SPHKAP: variants seen among roughly 807,000 people sequenced by gnomAD.
SPHKAP encodes the protein SPHK1 interactor, AKAP domain containing.
A neutral mutation model predicts 137.5 loss-of-function variants in SPHKAP; 67 were observed. The observed-to-expected ratio is 0.49, with a 90% CI of 0.40 to 0.60. SPHKAP has a LOEUF of 0.60. SPHKAP is among the 20% of genes least tolerant of loss of function. The probability of loss-of-function intolerance (pLI) is 0.00; values close to 1 mark genes in which losing one functional copy is unlikely to be tolerated. For missense variants in SPHKAP, 2,097 were observed against 2,069.3 expected (o/e 1.01, Z -0.26); for synonymous variants, 813 against 785.3 (o/e 1.04, Z -0.59).
chr2:228,086,927 C>A (rs1176535458), intron 3 of SPHKAP, among the ~76,000 whole-genome samples: 1 of 152,252 alleles, frequency 6.6e-6, no homozygotes, highest in Non-Finnish European at 1.5e-5. Context: ...GGGGTCAGAA[C>A]AAAACTCAAA....
intron 3 of SPHKAP, among the ~76,000 whole-genome samples, chr2:228,102,189 C>T (rs868285494): frequency 9.9e-5 from 15 of 151,870 alleles, no homozygotes; most frequent in Middle Eastern, 3.2e-3. Context: ...TATTGTAGTA[C>T]AGAAACTCAT....
chr2:228,074,892 T>C (rs1431004272), intron 3 of SPHKAP, among the ~76,000 whole-genome samples: 1 of 152,044 alleles, frequency 6.6e-6, no homozygotes, highest in Non-Finnish European at 1.5e-5. Flanking sequence ...CTCTCATTAC[T>C]TGACAACATG....
chr2:227,991,612 CA>C, intron 9 of SPHKAP: 1 of 985,434 alleles, frequency 1.0e-6, no homozygotes, highest in Non-Finnish European at 1.2e-6. Context: ...ACCTTCTCTT[CA>C]ACCTCCTTAC....
At chr2:227,981,926 C>G (rs1693010289) in intron 11 of SPHKAP, 66 bp from the exon 12 acceptor site, 1 of 1,536,738 alleles carries the variant, frequency 6.5e-7, no homozygotes, top group Non-Finnish European at 8.7e-7. Context: ...CTCATTCAAC[C>G]ACCCTCGCGA....
chr2:228,083,652 T>G (rs1253952094), intron 3 of SPHKAP, among the ~76,000 whole-genome samples: 2 of 152,190 alleles, frequency 1.3e-5, no homozygotes, highest in African/African-American at 4.8e-5. Flanking sequence ...ATTGCAGCAC[T>G]ATTCACAATA....
chr2:228,140,905 C>T (rs920224764), intron 1 of SPHKAP, among the ~76,000 whole-genome samples: 3 of 152,086 alleles, frequency 2.0e-5, no homozygotes, highest in Admixed American at 6.5e-5. Context: ...GAAGCAGATG[C>T]CAGTGTTATG....
intron 3 of SPHKAP, among the ~76,000 whole-genome samples, chr2:228,093,759 G>A (rs1697887521): frequency 6.7e-6 from 1 of 148,650 alleles, no homozygotes; most frequent in East Asian, 2.1e-4. Flanking sequence ...TCAAGAGGCT[G>A]AGGCAGGAGA....
intron 1 of SPHKAP, among the ~76,000 whole-genome samples, chr2:228,160,185 G>T (rs1446236600): frequency 6.6e-6 from 1 of 152,168 alleles, no homozygotes; most frequent in Admixed American, 6.5e-5. Flanking sequence ...GTAGAATATT[G>T]TATCAATCAT....
intron 2 of SPHKAP, among the ~76,000 whole-genome samples, chr2:228,114,524 C>T (rs539640085): frequency 6.6e-6 from 1 of 152,162 alleles, no homozygotes; most frequent in East Asian, 1.9e-4. Flanking sequence ...TTCTGTGGGA[C>T]TTAGTTTTTA....
In SPHKAP at chr2:228,020,172, T is replaced by G; in HGVS notation, c.698-16A>C. 1 of 1,563,406 alleles carries G rather than the reference T, an allele frequency of 6.4e-7. No homozygotes were observed. Among genetic ancestry groups the G allele is most frequent in the Non-Finnish European group, 8.6e-7 (1 of 1,161,014 alleles). ...TTTTCATAATCTAGTGAGGAGAAAATGAGGGGCACTATTACTTTTTGGATA... is the reference window on the plus strand; with the variant it reads ...TTTTCATAATCTAGTGAGGAGAAAAGGAGGGGCACTATTACTTTTTGGATA... On this transcript the variant is annotated splice_polypyrimidine_tract_variant and intron_variant, in intron 6 of 11. Transcript: ENST00000392056.
chr2:228,006,162 C>T (rs918103500), intron 7 of SPHKAP, among the ~76,000 whole-genome samples: 3 of 152,230 alleles, frequency 2.0e-5, no homozygotes, highest in African/African-American at 7.2e-5. Flanking sequence ...TTCTCCCCAT[C>T]ACTTTCAGGT....
At chr2:228,164,614 A>T (rs74670381) in intron 1 of SPHKAP, among the ~76,000 whole-genome samples, 235 of 152,324 alleles carry the variant, frequency 1.5e-3, no homozygotes, top group African/African-American at 5.6e-3. Context: ...GAAAACCATC[A>T]GTGACATCAC....
rs942881611 is a variant in SPHKAP, at chr2:228,018,489, C to T, written c.2365G>A (p.Asp789Asn). 5 of 1,614,150 alleles carry T rather than the reference C, an allele frequency of 3.1e-6. No homozygotes were observed. In the East Asian group the frequency reaches 1.1e-4, roughly 36 times the overall value. ...NTSLVINNLV[D>N]GMYSKQDKGG... ...TTGTCTTGTTTTGAATACATGCCAT[C>T]CACAAGATTGTTGATGACAAGACTC... The change falls in exon 7 of 12, where the codon GAT becomes AAT. Residue 789 changes from aspartate (D) to asparagine (N), a missense_variant. By Grantham distance (23) the Asp-to-Asn change is conservative. Transcript: ENST00000392056.
rs562768461 is a variant in SPHKAP, at chr2:228,025,148, A to G, written c.441+246T>C. Among the ~76,000 whole-genome samples the G allele has an allele frequency of 3.0e-4, 45 of 152,368 alleles. No individual in the cohort carries two copies. In the South Asian group the frequency reaches 9.3e-3, roughly 32 times the overall value. On this transcript the variant is annotated intron_variant, in intron 5 of 11. Coordinates refer to ENST00000392056, the MANE Select transcript of SPHKAP (RefSeq NM_001142644.2). ...AACCAATGCCTACTCTATCTGCTCTAGTTCAAATACAACTTAGGAATTTGA... is the reference window on the plus strand; with the variant it reads ...AACCAATGCCTACTCTATCTGCTCTGGTTCAAATACAACTTAGGAATTTGA...
Position 227,980,968 on chromosome 2 carries a change from T to C in SPHKAP, c.*749A>G, listed in dbSNP as rs1183579736. 1.3e-5 allele frequency: 2 copies of C among 152,224 alleles called. No individual in the cohort carries two copies. Among genetic ancestry groups the C allele is most frequent in the African/African-American group, 4.8e-5 (2 of 41,470 alleles). 9.4% of individuals were successfully genotyped at this position (152,224 alleles called of 1,614,324 possible). A position where few individuals can be genotyped will look rare whatever the true frequency, so the allele number is the denominator to read the frequency against. On this transcript the variant is annotated 3_prime_UTR_variant, in exon 12 of 12. Transcript: ENST00000392056. The stretch of plus-strand genomic sequence containing the variant: ...TTTTTTAAATATGAAAGCTTTCTCT[T>C]AGGATAAGAATTATGTAATCATGTT...
chr2:228,152,675 G>T (rs550169966), intron 1 of SPHKAP, among the ~76,000 whole-genome samples: 39 of 148,560 alleles, frequency 2.6e-4, no homozygotes, highest in Non-Finnish European at 4.5e-4. Context: ...AGTTGCATTA[G>T]TCAAGTTTTA....
At chr2:228,045,627 T>A (rs1696015379) in intron 3 of SPHKAP, among the ~76,000 whole-genome samples, 1 of 151,740 alleles carries the variant, frequency 6.6e-6, no homozygotes, top group Admixed American at 6.6e-5. Flanking sequence ...AGGGATAGCA[T>A]TAGGAGATAT....
At chr2:227,993,673 T>C in intron 8 of SPHKAP, 53 bp from the exon 9 acceptor site, 2 of 1,447,532 alleles carry the variant, frequency 1.4e-6, no homozygotes, top group South Asian at 1.2e-5. Context: ...TCTAACATGC[T>C]GCTGACAGTG....
chr2:228,092,773 T>C (rs1304269079), intron 3 of SPHKAP, among the ~76,000 whole-genome samples: 1 of 151,736 alleles, frequency 6.6e-6, no homozygotes, highest in Non-Finnish European at 1.5e-5. Context: ...TGGATGGAAC[T>C]GGAGACCATT....
Sources: gnomAD v4.1 joint callset for allele counts (sites outside exome capture counted in the v4.1 genomes callset) on GRCh38, gnomAD v4.1.1 for gene constraint, MANE v1.5 for transcripts, NCBI Gene and HGNC (gene_info 2026-07-23, HGNC 2026-07-21) for gene names.